The following UPRT variants were observed in gnomAD, a reference collection of about 807,000 sequenced individuals.
The protein encoded by UPRT is RP11-311P8.3.
UPRT carries 5 observed loss-of-function variants against 22.6 expected under a neutral mutation model. The observed-to-expected ratio is 0.22, with a 90% CI of 0.12 to 0.47. UPRT has a LOEUF of 0.47. UPRT is among the 20% of genes least tolerant of loss of function. The pLI is 0.99. For missense variants in UPRT, 181 were observed against 239.9 expected, an observed-to-expected ratio of 0.75 and a Z score of 1.62; for synonymous variants, 77 against 87.7, an observed-to-expected ratio of 0.88 and a Z score of 0.68.
chrX:75,304,663 TCTGTTCAAAAG>T lies in UPRT; in HGVS notation c.*1154_*1164del, dbSNP rs2082756725. Reference sequence around the variant, plus strand: ...GCCCCATAGGAAGCTGTTGTGGGCCTCTGTTCAAAAGCACAGAAAAGAGCAGAAGGAAATGT... The same window carrying T: ...GCCCCATAGGAAGCTGTTGTGGGCCTCACAGAAAAGAGCAGAAGGAAATGT... On this transcript the variant is annotated 3_prime_UTR_variant, in exon 7 of 7. Coordinates refer to ENST00000373383, the MANE Select transcript of UPRT (RefSeq NM_145052.4). The T allele has an allele frequency of 9.0e-6, 1 of 111,309 alleles. No individual in the cohort carries two copies. Among genetic ancestry groups the T allele is most frequent in the Non-Finnish European group, 1.9e-5 (1 of 53,110 alleles). 9.2% of individuals were successfully genotyped at this position (111,309 alleles called of 1,213,427 possible).
At chrX:75,279,438 C>T (rs184770964) in intron 1 of UPRT, among the ~76,000 whole-genome samples, 12 of 111,451 alleles carry the variant, frequency 1.1e-4, no homozygotes. Flanking sequence ...TCTGTTATAA[C>T]ATTTACTGGG....
At chrX:75,157,727 T>C (rs1466902825) in intron 1 of UPRT, among the ~76,000 whole-genome samples, 2 of 112,052 alleles carry the variant, frequency 1.8e-5, no homozygotes, top group African/African-American at 3.2e-5. Context: ...AGTTCAGTCA[T>C]AAAATAAAGG....
chrX:75,264,330 G>A (rs950520480), intron 4 of UPRT, among the ~76,000 whole-genome samples: 2 of 111,414 alleles, frequency 1.8e-5, no homozygotes, highest in Non-Finnish European at 3.8e-5. Flanking sequence ...GAGTGTTAAA[G>A]TCTCCCATTA....
upstream of UPRT, among the ~76,000 whole-genome samples, chrX:75,272,750 T>TA (rs965368973): frequency 9.2e-6 from 1 of 109,213 alleles, no homozygotes; most frequent in African/African-American, 3.3e-5. Context: ...AAAAAAATTA[T>TA]AAAAAAATCT....
Position 75,254,820 on chromosome X carries a change from C to A in UPRT, c.-446-36204C>A, listed in dbSNP as rs1306510344. ...GTCTCGCTCTGTCGCCCAGGCCAGA[C>A]TGCGGACTGCAGTGGCGCAATCTCG... On this transcript the variant is annotated intron_variant, in intron 4 of 13. Transcript: ENST00000652605. 6.5e-5 allele frequency among the ~76,000 whole-genome samples: 6 copies of A among 91,607 alleles called. No homozygotes were observed. In the East Asian group the frequency reaches 2.1e-3, roughly 32 times the overall value. The allele number at this position is 91,607 out of a possible 115,157, so 79.5% of individuals were successfully genotyped here.
At chrX:75,229,149 C>A (rs1253539894) in intron 4 of UPRT, among the ~76,000 whole-genome samples, 1 of 111,818 alleles carries the variant, frequency 8.9e-6, no homozygotes, top group African/African-American at 3.3e-5. Flanking sequence ...ATTGAGTAGA[C>A]CTTAAGTGTT....
At chrX:75,255,277 G>A (rs781664884) in intron 4 of UPRT, among the ~76,000 whole-genome samples, 5 of 111,269 alleles carry the variant, frequency 4.5e-5, no homozygotes, top group Admixed American at 9.6e-5. Context: ...ATGAAAAAAA[G>A]ATACAGTCTT....
At chrX:75,189,805 C>T (rs890428242) in intron 4 of UPRT, among the ~76,000 whole-genome samples, 5 of 111,280 alleles carry the variant, frequency 4.5e-5, no homozygotes, top group Non-Finnish European at 9.4e-5. Context: ...GTATTGCGAC[C>T]CTTGCCTTTT....
At chrX:75,245,902 A>G (rs1315924430) in intron 4 of UPRT, among the ~76,000 whole-genome samples, 2 of 111,526 alleles carry the variant, frequency 1.8e-5, no homozygotes, top group Non-Finnish European at 3.8e-5. Flanking sequence ...CACGGAAATT[A>G]CCTGAATAAC....
intron 4 of UPRT, among the ~76,000 whole-genome samples, chrX:75,209,688 C>T (rs1357001690): frequency 8.9e-6 from 1 of 112,209 alleles, no homozygotes; most frequent in African/African-American, 3.2e-5. Context: ...TTTCTTGATA[C>T]CACAGATAGG....
chrX:75,288,806 C>T (rs1318903089), intron 1 of UPRT, among the ~76,000 whole-genome samples: 1 of 111,668 alleles, frequency 9.0e-6, no homozygotes, highest in Admixed American at 9.5e-5. Context: ...CTCACCACTC[C>T]TATTCAACAC....
Position 75,254,097 on chromosome X carries a change from G to A in UPRT, c.-446-36927G>A, listed in dbSNP as rs114811686. On this transcript the variant is annotated intron_variant, in intron 4 of 13. Coordinates refer to the UPRT transcript ENST00000652605. ...TCGGGGGAGGCTGTGAATCTGGTGTGTGGACTCCACAAGTAGGGGAAAAAG... is the reference window on the plus strand; with the variant it reads ...TCGGGGGAGGCTGTGAATCTGGTGTATGGACTCCACAAGTAGGGGAAAAAG... 4.0e-3 allele frequency among the ~76,000 whole-genome samples: 451 copies of A among 111,545 alleles called. 2 individuals are homozygous for A. Among genetic ancestry groups the A allele is most frequent in the African/African-American group, 0.014 (435 of 30,674 alleles).
chrX:75,216,074 T>C (rs772516690), intron 4 of UPRT, among the ~76,000 whole-genome samples: 42 of 111,501 alleles, frequency 3.8e-4, no homozygotes, highest in Non-Finnish European at 7.0e-4. Flanking sequence ...AAAAGAAAAC[T>C]ATAGACCAAT....
At chrX:75,188,467 T>G (rs1024612107) in intron 4 of UPRT, among the ~76,000 whole-genome samples, 35 of 112,588 alleles carry the variant, frequency 3.1e-4, no homozygotes, top group Non-Finnish European at 6.2e-4. Flanking sequence ...AGGTTACTGC[T>G]GTCTTTGTGT....
At chrX:75,255,084 T>A (rs1336152280) in intron 4 of UPRT, among the ~76,000 whole-genome samples, 2 of 111,093 alleles carry the variant, frequency 1.8e-5, no homozygotes, top group Non-Finnish European at 3.8e-5. Flanking sequence ...CAGGAAAGAA[T>A]CTTAAGAGCT....
chrX:75,232,211 C>T (rs764596195), intron 4 of UPRT, among the ~76,000 whole-genome samples: 26 of 112,326 alleles, frequency 2.3e-4, no homozygotes, highest in Non-Finnish European at 4.7e-4. Flanking sequence ...CACTCCCACC[C>T]GAATACTGCG....
chrX:75,204,325 T>C (rs957799444), intron 4 of UPRT, among the ~76,000 whole-genome samples: 1 of 111,819 alleles, frequency 8.9e-6, no homozygotes, highest in Admixed American at 9.5e-5. Flanking sequence ...TAAAGGAACC[T>C]GAATGGTTTG....
chrX:75,158,293 T>A (rs753939627), intron 1 of UPRT, among the ~76,000 whole-genome samples: 1 of 111,966 alleles, frequency 8.9e-6, no homozygotes, highest in East Asian at 2.8e-4. Context: ...CACATAACTG[T>A]CTGACATAAA....
intron 4 of UPRT, among the ~76,000 whole-genome samples, chrX:75,199,228 G>C (rs1190373922): frequency 8.9e-6 from 1 of 111,930 alleles, no homozygotes; most frequent in Non-Finnish European, 1.9e-5. Context: ...TGCACCAGCT[G>C]TCCGCAAACC....
Sources: allele counts gnomAD v4.1 joint callset (sites outside exome capture counted in the v4.1 genomes callset), GRCh38; gene constraint gnomAD v4.1.1; transcripts MANE v1.5; gene names NCBI Gene and HGNC (gene_info 2026-07-23, HGNC 2026-07-21).